TASP1: variants seen among roughly 807,000 people sequenced by gnomAD.
The protein encoded by TASP1 is threonine aspartase 1.
In TASP1, 16 loss-of-function variants were observed where a neutral mutation model predicts 56.6. The ratio of observed to expected loss-of-function variants is 0.28; its 90% CI spans 0.19 to 0.43. TASP1 has a LOEUF of 0.43. TASP1 is among the 20% of genes least tolerant of loss of function. TASP1 has a pLI of 1.00. For synonymous variants in TASP1, 179 were observed against 184.2 expected (o/e 0.97, Z 0.23); for missense variants, 393 against 511.6 (o/e 0.77, Z 2.24).
chr20:13,435,474 A>G (rs1338700913), intron 11 of TASP1, among the ~76,000 whole-genome samples: 1 of 152,218 alleles, frequency 6.6e-6, no homozygotes, highest in Non-Finnish European at 1.5e-5. Flanking sequence ...AAAATGCTCA[A>G]TGACTCCCTT....
downstream of TASP1, among the ~76,000 whole-genome samples, chr20:13,385,295 T>G (rs754901193): frequency 6.6e-6 from 1 of 152,248 alleles, no homozygotes; most frequent in East Asian, 1.9e-4. Context: ...CAGTCCTTGA[T>G]GAACTGTTGC....
intron 4 of TASP1, 107 bp from the exon 5 acceptor site, chr20:13,587,477 AAC>A: frequency 1.1e-6 from 1 of 898,000 alleles, no homozygotes; most frequent in Non-Finnish European, 1.7e-6. Flanking sequence ...AATACTTTCC[AAC>A]ACATAGTATG....
intron 6 of TASP1, among the ~76,000 whole-genome samples, chr20:13,578,484 C>T (rs1453133339): frequency 6.6e-6 from 1 of 152,048 alleles, no homozygotes; most frequent in Non-Finnish European, 1.5e-5. Context: ...AATAGGTATA[C>T]ATCTTCACTT....
At chr20:13,590,204 A>C (rs554161549) in intron 4 of TASP1, among the ~76,000 whole-genome samples, 25 of 152,352 alleles carry the variant, frequency 1.6e-4, no homozygotes, top group Admixed American at 5.2e-4. Context: ...ACTGCACTCC[A>C]GCCTGGGTGA....
the TASP1 span, among the ~76,000 whole-genome samples, chr20:13,272,063 G>A: frequency 6.6e-6 from 1 of 152,168 alleles, no homozygotes; most frequent in Non-Finnish European, 1.5e-5. Context: ...ACAAGTATGA[G>A]CCACCACAGC....
At chr20:13,484,855 T>A (rs1452559391) in intron 10 of TASP1, among the ~76,000 whole-genome samples, 2 of 151,254 alleles carry the variant, frequency 1.3e-5, no homozygotes, top group African/African-American at 4.9e-5. Context: ...CTGGAAACCA[T>A]CATTCTCAGC....
chr20:13,162,760 C>T, the TASP1 span, among the ~76,000 whole-genome samples: 5 of 152,292 alleles, frequency 3.3e-5, no homozygotes, highest in South Asian at 2.1e-4. Flanking sequence ...AGCCAGTGAA[C>T]TGCTCCCACT....
At chr20:13,597,167 C>A (rs970381616) in intron 4 of TASP1, among the ~76,000 whole-genome samples, 3 of 152,212 alleles carry the variant, frequency 2.0e-5, no homozygotes, top group African/African-American at 7.2e-5. Context: ...AGAGAATCCT[C>A]CCTAACTCAT....
chr20:13,411,572 T>C (rs1032471398), intron 13 of TASP1, among the ~76,000 whole-genome samples: 2 of 152,188 alleles, frequency 1.3e-5, no homozygotes, highest in Admixed American at 1.3e-4. Context: ...GATTTCTTTC[T>C]CCAGGCAGTT....
chr20:13,324,302 A>C, the TASP1 span, among the ~76,000 whole-genome samples: 1 of 152,220 alleles, frequency 6.6e-6, no homozygotes, highest in Admixed American at 6.5e-5. Context: ...TTAAAAATTC[A>C]CAGAGAGTTG....
intron 6 of TASP1, among the ~76,000 whole-genome samples, chr20:13,570,120 A>G (rs545514692): frequency 8.5e-5 from 13 of 152,258 alleles, no homozygotes; most frequent in African/African-American, 2.4e-4. Context: ...TACTGTGGTA[A>G]GTACTATGGT....
the TASP1 span, among the ~76,000 whole-genome samples, chr20:13,286,305 C>A: frequency 6.6e-6 from 1 of 151,644 alleles, no homozygotes; most frequent in Non-Finnish European, 1.5e-5. Context: ...CTGAGAGACA[C>A]CAGACTGCAA....
At chr20:13,435,012 A>G (rs779903641) in intron 12 of TASP1, 32 bp downstream of exon 12, 6 of 1,468,630 alleles carry the variant, frequency 4.1e-6, no homozygotes, top group Non-Finnish European at 5.6e-6. Flanking sequence ...AAAAAAATAG[A>G]AAGACACACA....
chr20:13,204,029 G>A, the TASP1 span, among the ~76,000 whole-genome samples: 2 of 152,214 alleles, frequency 1.3e-5, no homozygotes, highest in East Asian at 1.9e-4. Context: ...AAATCACCTC[G>A]CATAAAATGT....
At chr20:13,279,301 A>G in the TASP1 span, among the ~76,000 whole-genome samples, 1 of 152,184 alleles carries the variant, frequency 6.6e-6, no homozygotes, top group African/African-American at 2.4e-5. Context: ...TGGAGGAGAG[A>G]CAAACTCTCC....
intron 13 of TASP1, 33 bp from the exon 14 acceptor site, chr20:13,390,485 G>A: frequency 1.2e-6 from 2 of 1,600,448 alleles, no homozygotes; most frequent in South Asian, 1.1e-5. Context: ...GAGCATCAGA[G>A]GGGTCAGCGG....
At chr20:13,381,861 G>A in the TASP1 span, among the ~76,000 whole-genome samples, 7 of 152,170 alleles carry the variant, frequency 4.6e-5, no homozygotes, top group South Asian at 2.1e-4. Flanking sequence ...CATGATTTGC[G>A]GGGCAAGGGT....
intron 7 of TASP1, among the ~76,000 whole-genome samples, chr20:13,567,386 T>C (rs1170825221): frequency 1.3e-5 from 2 of 152,154 alleles, no homozygotes; most frequent in Non-Finnish European, 2.9e-5. Flanking sequence ...AGTTTACCTA[T>C]ATAACAAACC....
the TASP1 span, among the ~76,000 whole-genome samples, chr20:13,231,784 T>C: frequency 4.2e-3 from 647 of 152,282 alleles, 2 homozygotes; most frequent in African/African-American, 0.015. Context: ...AGAAGAGTTC[T>C]GTCTTCAAGT....
Sources: allele counts gnomAD v4.1 joint callset (sites outside exome capture counted in the v4.1 genomes callset), GRCh38; gene constraint gnomAD v4.1.1; transcripts MANE v1.5; gene names NCBI Gene and HGNC (gene_info 2026-07-23, HGNC 2026-07-21).